The following IL1RAPL2 variants were observed in gnomAD, a reference collection of about 807,000 sequenced individuals.
The protein encoded by IL1RAPL2 is X-linked interleukin-1 receptor accessory protein-like 2.
In IL1RAPL2, 3 loss-of-function variants were observed where a neutral mutation model predicts 44.1. The observed-to-expected ratio is 0.07, with a 90% CI of 0.03 to 0.18. IL1RAPL2 has a LOEUF of 0.18. Ranked by LOEUF, IL1RAPL2 falls within the 10% of genes least tolerant of loss-of-function variation. The pLI, the probability that IL1RAPL2 is intolerant of heterozygous loss-of-function variation, is 1.00. For synonymous variants in IL1RAPL2, 181 were observed against 178.8 expected, an observed-to-expected ratio of 1.01 and a Z score of -0.10; for missense variants, 391 against 496.4, an observed-to-expected ratio of 0.79 and a Z score of 2.02.
rs1208733913 is a variant in IL1RAPL2 at position 105,755,244 on chromosome X, T to A, written c.1260T>A (p.Asn420Lys). ...ACCAAGATACTTTAGACTGTGACAA[T>A]CCTGAAGAAGAGCAGTTTGCTCTTG... is the stretch of plus-strand genomic sequence containing the variant. ...KVDQDTLDCDNPEEEQFALEV... is the reference protein window; with the variant it reads ...KVDQDTLDCDKPEEEQFALEV... The change falls in exon 10 of 11, where the codon AAT (asparagine) becomes AAA (lysine). Residue 420 changes from asparagine (N) to lysine (K), a missense_variant. By Grantham distance (94) the Asn-to-Lys change is moderately conservative. Around this residue, in one of 2 missense-constraint regions of IL1RAPL2, gnomAD observed 232 missense variants for 244.8 expected, o/e 0.95. Coordinates refer to ENST00000372582, the MANE Select transcript of IL1RAPL2 (RefSeq NM_017416.2). 11 of 1,195,511 alleles carry A rather than the reference T, an allele frequency of 9.2e-6. No homozygotes were observed. The highest frequency in any genetic ancestry group is 1.1e-5 in the Non-Finnish European group (10 of 882,146).
intron 6 of IL1RAPL2, among the ~76,000 whole-genome samples, chrX:105,640,111 A>G (rs2037553567): frequency 9.0e-6 from 1 of 111,284 alleles, no homozygotes; most frequent in South Asian, 3.8e-4. Context: ...AGACTATAGG[A>G]ATTGCTTGTG....
chrX:105,569,747 G>T (rs751790490), intron 6 of IL1RAPL2, among the ~76,000 whole-genome samples: 327 of 111,281 alleles, frequency 2.9e-3, no homozygotes, highest in Non-Finnish European at 3.6e-3. Context: ...GCATAACCTA[G>T]CCCATTCTGA....
At chrX:105,106,814 T>C (rs1303492175) in intron 2 of IL1RAPL2, among the ~76,000 whole-genome samples, 1 of 112,144 alleles carries the variant, frequency 8.9e-6, no homozygotes, top group Non-Finnish European at 1.9e-5. Context: ...ATAATAGTTT[T>C]TATTACATGG....
intron 6 of IL1RAPL2, among the ~76,000 whole-genome samples, chrX:105,650,622 C>A (rs1243925625): frequency 1.8e-5 from 2 of 112,218 alleles, no homozygotes; most frequent in Admixed American, 9.5e-5. Flanking sequence ...ACTTTCTAAA[C>A]CCTCTGACAG....
intron 6 of IL1RAPL2, among the ~76,000 whole-genome samples, chrX:105,598,574 G>A (rs906537954): frequency 4.5e-5 from 5 of 111,393 alleles, no homozygotes; most frequent in African/African-American, 1.3e-4. Flanking sequence ...ACTTTACATG[G>A]TAAAATAATA....
At chrX:105,333,751 A>G (rs886763456) in intron 5 of IL1RAPL2, among the ~76,000 whole-genome samples, 4 of 112,375 alleles carry the variant, frequency 3.6e-5, no homozygotes, top group Admixed American at 1.9e-4. Context: ...AATGGGAAAC[A>G]GACATGAAAA....
At chrX:105,305,955 T>C (rs971513769) in intron 5 of IL1RAPL2, among the ~76,000 whole-genome samples, 6 of 111,333 alleles carry the variant, frequency 5.4e-5, no homozygotes, top group African/African-American at 2.0e-4. Context: ...TTTTTCCATT[T>C]ATGTCTAAGG....
intron 2 of IL1RAPL2, among the ~76,000 whole-genome samples, chrX:105,024,509 A>C (rs1467597314): frequency 9.0e-6 from 1 of 111,669 alleles, no homozygotes; most frequent in Non-Finnish European, 1.9e-5. Context: ...AGAGCATAGA[A>C]GTTCTGTTCT....
At chrX:104,995,687 A>G (rs1359292357) in intron 2 of IL1RAPL2, among the ~76,000 whole-genome samples, 1 of 111,912 alleles carries the variant, frequency 8.9e-6, no homozygotes, top group Admixed American at 9.5e-5. Flanking sequence ...TTTATGATAG[A>G]ATGTGCAGAA....
At chrX:104,619,937 G>A (rs1272617535) in intron 1 of IL1RAPL2, among the ~76,000 whole-genome samples, 1 of 111,626 alleles carries the variant, frequency 9.0e-6, no homozygotes, top group Non-Finnish European at 1.9e-5. Context: ...CTACTTAAAT[G>A]AGACTTAATA....
At chrX:104,671,902 C>T (rs185980497) in intron 2 of IL1RAPL2, among the ~76,000 whole-genome samples, 1 of 111,235 alleles carries the variant, frequency 9.0e-6, no homozygotes, top group Non-Finnish European at 1.9e-5. Context: ...TTTATCAGTG[C>T]AATCAGGGCC....
chrX:105,057,736 A>C (rs1358737062), intron 2 of IL1RAPL2, among the ~76,000 whole-genome samples: 1 of 110,002 alleles, frequency 9.1e-6, no homozygotes, highest in Non-Finnish European at 1.9e-5. Flanking sequence ...TAAACAAGGG[A>C]TTATTTTTGA....
chrX:105,224,360 G>A (rs2033995574), intron 3 of IL1RAPL2, among the ~76,000 whole-genome samples: 2 of 111,974 alleles, frequency 1.8e-5, no homozygotes, highest in South Asian at 7.5e-4. Flanking sequence ...GATATCCTTA[G>A]TGATTCAAGT....
intron 3 of IL1RAPL2, 107 bp from the exon 4 acceptor site, chrX:105,233,711 C>T: frequency 1.6e-6 from 1 of 625,798 alleles, no homozygotes; most frequent in Admixed American, 3.2e-5. Context: ...TTTCTGATTT[C>T]TAGGCAAGGT....
At chrX:105,322,491 C>T (rs1299500900) in intron 5 of IL1RAPL2, among the ~76,000 whole-genome samples, 1 of 111,636 alleles carries the variant, frequency 9.0e-6, no homozygotes, top group African/African-American at 3.3e-5. Flanking sequence ...AGATTCTTGG[C>T]AGAATTGAGT....
At position 105,157,965 on chromosome X, in the gene IL1RAPL2, T is replaced by TA. The variant is rs1431611654; in HGVS notation, c.83-37503dup. 5.4e-5 allele frequency among the ~76,000 whole-genome samples: 6 copies of TA among 112,018 alleles called. No homozygotes were observed. In the East Asian group the frequency reaches 1.1e-3, roughly 21 times the overall value. ...ATTGGATTCATAGAACCAACTTGTTTAAAAAAAGAGTAGAACTATGGGGCA... is the reference window on the plus strand; with the variant it reads ...ATTGGATTCATAGAACCAACTTGTTTAAAAAAAAGAGTAGAACTATGGGGCA... On this transcript the variant is annotated intron_variant, in intron 2 of 10. Coordinates refer to ENST00000372582, the MANE Select transcript of IL1RAPL2 (RefSeq NM_017416.2).
chrX:104,949,265 T>C (rs1300644619), intron 2 of IL1RAPL2, among the ~76,000 whole-genome samples: 2 of 110,254 alleles, frequency 1.8e-5, no homozygotes, highest in Non-Finnish European at 3.8e-5. Flanking sequence ...GGTGGTGATA[T>C]CCCCTTTATC....
At chrX:105,468,041 T>C (rs2036142464) in intron 5 of IL1RAPL2, among the ~76,000 whole-genome samples, 1 of 111,940 alleles carries the variant, frequency 8.9e-6, no homozygotes, top group African/African-American at 3.2e-5. Context: ...GCAGCTGTAG[T>C]AAGCAAACCG....
chrX:105,450,836 A>C (rs1470103605), intron 5 of IL1RAPL2, among the ~76,000 whole-genome samples: 11 of 111,144 alleles, frequency 9.9e-5, no homozygotes, highest in Non-Finnish European at 1.5e-4. Flanking sequence ...CTATTTTCCA[A>C]ATGAAGAAAC....
Sources: gnomAD v4.1 joint callset for allele counts (sites outside exome capture counted in the v4.1 genomes callset) on GRCh38, gnomAD v4.1.1 for gene constraint, gnomAD v4.1.1 regional missense constraint, MANE v1.5 for transcripts, NCBI Gene and HGNC (gene_info 2026-07-23, HGNC 2026-07-21) for gene names.